Variants in RRBP1 observed in about 807,000 individuals in gnomAD.
The protein encoded by RRBP1 is ribosome binding protein 1.
RRBP1 carries 94 observed loss-of-function variants against 165.2 expected under a neutral mutation model. The observed-to-expected ratio is 0.57, with a 90% CI of 0.48 to 0.68. The LOEUF is 0.68. Among genes scored for constraint, RRBP1 ranks in the 30% least tolerant of loss-of-function variants. The pLI, the probability that RRBP1 is intolerant of heterozygous loss-of-function variation, is 0.00. For synonymous variants in RRBP1, 680 were observed against 714.5 expected (o/e 0.95, Z 0.77); for missense variants, 1,676 against 1,763.0 (o/e 0.95, Z 0.88).
At chr20:17,669,634 A>G (rs1357992074) in intron 2 of RRBP1, among the ~76,000 whole-genome samples, 1 of 152,194 alleles carries the variant, frequency 6.6e-6, no homozygotes, top group African/African-American at 2.4e-5. Context: ...GAACAACCCA[A>G]GTTTCCAGAT....
chr20:17,615,407 A>AC (rs1420848339), intron 23 of RRBP1, 24 bp downstream of exon 23: 3 of 1,575,308 alleles, frequency 1.9e-6, no homozygotes, highest in East Asian at 4.6e-5. Context: ...TCCAGGTGTG[A>AC]CCCCCGCCCC....
chr20:17,639,592 C>A (rs899906325), intron 5 of RRBP1, among the ~76,000 whole-genome samples: 1 of 152,070 alleles, frequency 6.6e-6, no homozygotes, highest in Non-Finnish European at 1.5e-5. Flanking sequence ...TGCAGTGTTA[C>A]CGTAAGAATG....
chr20:17,625,428 G>T, intron 12 of RRBP1, 84 bp downstream of exon 12: 1 of 1,181,476 alleles, frequency 8.5e-7, no homozygotes, highest in Non-Finnish European at 1.2e-6. Context: ...CGAGTCCAGG[G>T]CGGGTGCCAC....
At chr20:17,639,873 A>G (rs1395252368) in intron 5 of RRBP1, among the ~76,000 whole-genome samples, 3 of 149,904 alleles carry the variant, frequency 2.0e-5, no homozygotes, top group Admixed American at 6.7e-5. Flanking sequence ...AGCCTGGGCA[A>G]TAACAGTGAA....
At chr20:17,641,411 T>G (rs1020019187) in intron 5 of RRBP1, 3 of 226,248 alleles carry the variant, frequency 1.3e-5, no homozygotes, top group Non-Finnish European at 2.7e-5. Context: ...CAACCTTGAA[T>G]CTACTGTGGC....
intron 16 of RRBP1, 142 bp downstream of exon 16, chr20:17,621,316 T>G: frequency 3.2e-6 from 2 of 629,796 alleles, no homozygotes; most frequent in Admixed American, 5.4e-5. Flanking sequence ...CCATTTACCA[T>G]GCAGCCGAAG....
chr20:17,642,301 G>C (rs911689173), intron 4 of RRBP1, among the ~76,000 whole-genome samples: 2 of 152,198 alleles, frequency 1.3e-5, no homozygotes, highest in Admixed American at 1.3e-4. Flanking sequence ...TGAGGACAGT[G>C]ACCTGAGGAG....
chr20:17,658,946 T>G lies in RRBP1; in HGVS notation c.1562A>C (p.Lys521Thr). The G allele has an allele frequency of 6.2e-7, 1 of 1,612,956 alleles. No individual in the cohort carries two copies. The highest frequency in any genetic ancestry group is 8.5e-7 in the Non-Finnish European group (1 of 1,179,838). The change falls in exon 3 of 25, where the codon AAG (lysine) becomes ACG (threonine). Residue 521 changes from lysine (K) to threonine (T), a missense_variant. By Grantham distance (78) the Lys-to-Thr change is moderately conservative (BLOSUM62 -1). Transcript: ENST00000377813. Reference sequence around the variant, plus strand: ...CTTTTTGCCCTGAGCCCCTTCTGTCTTTTTACCCTGATTCTGGGCTCCCTC... The same window carrying G: ...CTTTTTGCCCTGAGCCCCTTCTGTCGTTTTACCCTGATTCTGGGCTCCCTC... Reference protein sequence around the residue: ...KGEGAQNQGKKTEGAQGKKAE... With the variant: ...KGEGAQNQGKTTEGAQGKKAE...
At chr20:17,648,867 G>A (rs1196038903) in intron 3 of RRBP1, among the ~76,000 whole-genome samples, 1 of 152,202 alleles carries the variant, frequency 6.6e-6, no homozygotes, top group Non-Finnish European at 1.5e-5. Context: ...CTGGCCCAAG[G>A]AGAATACAGT....
chr20:17,653,992 G>A (rs1450255627), intron 3 of RRBP1, among the ~76,000 whole-genome samples: 1 of 152,184 alleles, frequency 6.6e-6, no homozygotes, highest in African/African-American at 2.4e-5. Flanking sequence ...ACACTGCACA[G>A]TTAAACAGTA....
intron 3 of RRBP1, among the ~76,000 whole-genome samples, chr20:17,657,319 G>A (rs1018092680): frequency 6.6e-6 from 1 of 152,234 alleles, no homozygotes; most frequent in Admixed American, 6.5e-5. Flanking sequence ...AGGGGACAGG[G>A]CCTCTCACAC....
intron 2 of RRBP1, among the ~76,000 whole-genome samples, chr20:17,667,860 C>A: frequency 6.6e-6 from 1 of 152,178 alleles, no homozygotes; most frequent in Non-Finnish European, 1.5e-5. Flanking sequence ...GTCCTTAAAG[C>A]CCTGAGAAAA....
chr20:17,646,734 C>T (rs2036469716), intron 3 of RRBP1, among the ~76,000 whole-genome samples: 2 of 152,164 alleles, frequency 1.3e-5, no homozygotes, highest in Non-Finnish European at 2.9e-5. Context: ...GGCTCAGGCA[C>T]CTAAAATTAA....
intron 5 of RRBP1, among the ~76,000 whole-genome samples, chr20:17,639,204 A>G (rs2036301992): frequency 6.6e-6 from 1 of 152,224 alleles, no homozygotes; most frequent in South Asian, 2.1e-4. Context: ...AGATTCTCAG[A>G]CAGCCAGGAC....
chr20:17,653,374 T>A (rs1334089242), intron 3 of RRBP1, among the ~76,000 whole-genome samples: 1 of 152,108 alleles, frequency 6.6e-6, no homozygotes, highest in Non-Finnish European at 1.5e-5. Context: ...GGCTTAGGGG[T>A]TGGGCCCCCC....
intron 4 of RRBP1, among the ~76,000 whole-genome samples, chr20:17,642,408 T>A (rs565122381): frequency 1.3e-5 from 2 of 151,820 alleles, no homozygotes; most frequent in Non-Finnish European, 2.9e-5. Flanking sequence ...CCACTGAGAC[T>A]GTGCAGGATG....
At chr20:17,669,383 G>C (rs1341895869) in intron 2 of RRBP1, among the ~76,000 whole-genome samples, 1 of 152,142 alleles carries the variant, frequency 6.6e-6, no homozygotes, top group African/African-American at 2.4e-5. Context: ...ATGCCTATGC[G>C]GTAGGAATCA....
At chr20:17,667,861 C>T (rs749536764) in intron 2 of RRBP1, among the ~76,000 whole-genome samples, 47 of 152,178 alleles carry the variant, frequency 3.1e-4, no homozygotes, top group Non-Finnish European at 6.0e-4. Flanking sequence ...TCCTTAAAGC[C>T]CTGAGAAAAT....
At chr20:17,662,673 A>G (rs964026693) in intron 2 of RRBP1, among the ~76,000 whole-genome samples, 2 of 151,850 alleles carry the variant, frequency 1.3e-5, no homozygotes, top group Non-Finnish European at 2.9e-5. Flanking sequence ...CCGAGAACAC[A>G]CTCTCAAGCT....
Sources: allele counts gnomAD v4.1 joint callset (sites outside exome capture counted in the v4.1 genomes callset), GRCh38; gene constraint gnomAD v4.1.1; transcripts MANE v1.5; gene names NCBI Gene and HGNC (gene_info 2026-07-23, HGNC 2026-07-21).